The following RBM17 variants were observed in gnomAD, a reference collection of about 807,000 sequenced individuals.
The protein encoded by RBM17 is splicing factor 45.
RBM17 carries 7 observed loss-of-function variants against 53.2 expected under a neutral mutation model. The observed-to-expected ratio is 0.13, with a 90% CI of 0.07 to 0.25. The LOEUF (loss-of-function observed/expected upper bound fraction) is 0.25, where lower values mean the gene tolerates loss of function less well. Among genes scored for constraint, RBM17 ranks in the 10% least tolerant of loss-of-function variants. The pLI is 1.00. For missense variants in RBM17, 257 were observed against 496.7 expected (o/e 0.52, Z 4.59); for synonymous variants, 167 against 178.1 (o/e 0.94, Z 0.50).
intron 2 of RBM17, among the ~76,000 whole-genome samples, chr10:6,100,668 TC>T (rs1183513152): frequency 1.5e-4 from 1 of 6,592 alleles, no homozygotes; most frequent in African/African-American, 1.7e-4. Flanking sequence ...GGATCCTGGT[TC>T]AAAAAAAAAA....
At position 6,112,033 on chromosome 10, in the gene RBM17, G is replaced by A. The variant is rs1447335164; in HGVS notation, c.705-177G>A. On this transcript the variant is annotated intron_variant, in intron 7 of 11. Coordinates refer to ENST00000379888, the MANE Select transcript of RBM17 (RefSeq NM_032905.5). This position sits in a 1 kb window ranked among gnomAD's most constrained non-coding sequence, Gnocchi z 4.4. The stretch of plus-strand genomic sequence containing the variant: ...TCATAGCTTTTTCTATTTCTTTCAT[G>A]CTGCACATCCCCACAGCTTCCATCT... Among the ~76,000 whole-genome samples, 1 of 152,064 alleles carries A rather than the reference G, an allele frequency of 6.6e-6. No individual in the cohort carries two copies. The highest frequency in any genetic ancestry group is 1.5e-5 in the Non-Finnish European group (1 of 68,000).
chr10:6,112,156 A>G lies in RBM17; in HGVS notation c.705-54A>G. The G allele has an allele frequency of 6.3e-7, 1 of 1,582,536 alleles. No homozygotes were observed. Among genetic ancestry groups the G allele is most frequent in the Non-Finnish European group, 8.6e-7 (1 of 1,167,130 alleles). On this transcript the variant is annotated intron_variant, in intron 7 of 11. Transcript: ENST00000379888. This position sits in a 1 kb window ranked among gnomAD's most constrained non-coding sequence, Gnocchi z 4.4. ...TTGTTGTGATGGAAAAATGCAACCT[A>G]TCTCCAGTTGACGATGTCAAGGCTA...
chr10:6,101,462 T>G (rs958102025), intron 3 of RBM17, 75 bp downstream of exon 3: 3 of 783,088 alleles, frequency 3.8e-6, no homozygotes, highest in Non-Finnish European at 6.0e-6. Context: ...TGAGTTACTC[T>G]TAACAGATGG....
At position 6,104,666 on chromosome 10, in the gene RBM17, G is replaced by A. The variant is rs191561909; in HGVS notation, c.241-265G>A. ...GTAACTTATATTTTAGCTGGTGGTG[G>A]CTTATTTAGGAATTCCAGGAAAAAT... is the stretch of plus-strand genomic sequence containing the variant. On this transcript the variant is annotated intron_variant, in intron 3 of 11. Coordinates refer to ENST00000379888, the MANE Select transcript of RBM17 (RefSeq NM_032905.5). 9.7e-4 allele frequency among the ~76,000 whole-genome samples: 147 copies of A among 152,294 alleles called. 3 individuals carry two copies. The highest frequency in any genetic ancestry group is 8.4e-3 in the Admixed American group (128 of 15,288).
chr10:6,108,397 G>T (rs1055052557), intron 5 of RBM17: 4 of 430,136 alleles, frequency 9.3e-6, no homozygotes, highest in Non-Finnish European at 1.6e-5. Flanking sequence ...GGTTCTCTTG[G>T]TTGTATTGTT....
chr10:6,099,594 AAC>A (rs1432313598), intron 2 of RBM17, among the ~76,000 whole-genome samples: 3 of 151,936 alleles, frequency 2.0e-5, no homozygotes, highest in African/African-American at 7.2e-5. Context: ...TGCAATACCT[AAC>A]ACAATGTAAA....
intron 2 of RBM17, among the ~76,000 whole-genome samples, chr10:6,098,556 G>GGTTTTTGTTTGTTTTTTTTTT (rs1840613398): frequency 1.1e-5 from 1 of 87,976 alleles, no homozygotes. Flanking sequence ...TAATACACAG[G>GGTTTTTGTTTGTTTTTTTTTT]TTTTTTGTTT....
Position 6,098,563 on chromosome 10 carries a change from G to GTT in RBM17, c.123+1404_123+1405dup, listed in dbSNP as rs398012715. On this transcript the variant is annotated intron_variant, in intron 2 of 11. Transcript: ENST00000379888. ...AATTTCCGTAATACACAGGTTTTTTGTTTTTTTTTTTTTTTTTTTTTTTTT... is the reference window on the plus strand; with the variant it reads ...AATTTCCGTAATACACAGGTTTTTTGTTTTTTTTTTTTTTTTTTTTTTTTTTT... 3.8e-3 allele frequency among the ~76,000 whole-genome samples: 176 copies of GTT among 46,656 alleles called. 14 individuals carry two copies. The highest frequency in any genetic ancestry group is 5.0e-3 in the Non-Finnish European group (112 of 22,536). The allele number at this position is 46,656 out of a possible 152,430, so 30.6% of individuals were successfully genotyped here.
intron 3 of RBM17, among the ~76,000 whole-genome samples, chr10:6,102,966 A>G (rs1840689858): frequency 6.6e-6 from 1 of 152,022 alleles, no homozygotes; most frequent in South Asian, 2.1e-4. Flanking sequence ...CATTTGACTA[A>G]TTTTTTGTAG....
Position 6,105,157 on chromosome 10 carries a change from C to T in RBM17, c.407+60C>T, listed in dbSNP as rs772552580. The T allele has an allele frequency of 6.3e-5, 94 of 1,502,990 alleles. 1 individual carries two copies. The highest frequency in any genetic ancestry group is 1.1e-4 in the African/African-American group (8 of 71,776). 93.1% of individuals were successfully genotyped at this position (1,502,990 alleles called of 1,614,324 possible). Reference sequence around the variant, plus strand: ...GTTGAAATGTTCATTAAAATGTTAACGAATGAGCGTCGCTGCTGTCTGTAA... The same window carrying T: ...GTTGAAATGTTCATTAAAATGTTAATGAATGAGCGTCGCTGCTGTCTGTAA... On this transcript the variant is annotated intron_variant, in intron 4 of 11. Transcript: ENST00000379888.
At chr10:6,114,174 T>C (rs765926073) in intron 10 of RBM17, 27 bp downstream of exon 10, 2 of 1,354,042 alleles carry the variant, frequency 1.5e-6, no homozygotes, top group Non-Finnish European at 2.1e-6. Context: ...TTGATGTTTA[T>C]AACACAAGTT....
At chr10:6,100,241 T>C (rs894135837) in intron 2 of RBM17, among the ~76,000 whole-genome samples, 1 of 152,206 alleles carries the variant, frequency 6.6e-6, no homozygotes, top group Non-Finnish European at 1.5e-5. Flanking sequence ...TGTAACACTT[T>C]AAATTGCAAA....
chr10:6,112,514 C>T lies in RBM17; in HGVS notation c.856+153C>T, dbSNP rs147992798. On this transcript the variant is annotated intron_variant, in intron 8 of 11. Transcript: ENST00000379888. This position sits in a 1 kb window ranked among gnomAD's most constrained non-coding sequence, Gnocchi z 4.4. ...GCCCTGCCATCACTAGAACACAGGC[C>T]GTCCTGTTCATATGATGCACTGCCA... 7.8e-5 allele frequency: 67 copies of T among 860,206 alleles called. No homozygotes were observed. Among genetic ancestry groups the T allele is most frequent in the African/African-American group, 7.6e-4 (45 of 59,084 alleles). The allele number at this position is 860,206 out of a possible 1,614,324, so 53.3% of individuals were successfully genotyped here.
Position 6,113,551 on chromosome 10 carries a change from T to A in RBM17, c.900T>A (p.Leu300=). 6.2e-7 allele frequency: 1 copy of A among 1,613,222 alleles called. No individual in the cohort carries two copies. The highest frequency in any genetic ancestry group is 8.5e-7 in the Non-Finnish European group (1 of 1,179,276). The change falls in exon 9 of 12, where the codon CTT becomes CTA. Residue 300 remains leucine, a synonymous_variant. Transcript: ENST00000379888. ...ATTCAAATCCGCTGACTGAAATACT[T>A]AAGTGTCCTACTAAAGTGGTCTTAC... is the stretch of plus-strand genomic sequence containing the variant. ...KSDSNPLTEI[L]KCPTKVVLLR...
In RBM17 at chr10:6,101,358, A is replaced by G. The variant is rs926591083; in HGVS notation, c.211A>G (p.Thr71Ala). The change falls in exon 3 of 12, where the codon ACT (threonine) becomes GCT (alanine). Residue 71 changes from threonine (T) to alanine (A), a missense_variant. By Grantham distance (58) the Thr-to-Ala change is moderately conservative. This residue lies in a region of RBM17 where 127 missense variants were observed against 217.2 expected (regional missense o/e 0.58). Coordinates refer to ENST00000379888, the MANE Select transcript of RBM17 (RefSeq NM_032905.5). ...CTCAGATGACCGGCAAATTGTGGACACTCCACCGCATGTAGCAGCTGGGCT... is the reference window on the plus strand; with the variant it reads ...CTCAGATGACCGGCAAATTGTGGACGCTCCACCGCATGTAGCAGCTGGGCT... ...GSSDDRQIVD[T>A]PPHVAAGLKD... 1.2e-6 allele frequency: 2 copies of G among 1,612,842 alleles called. No homozygotes were observed. The highest frequency in any genetic ancestry group is 1.7e-6 in the Non-Finnish European group (2 of 1,179,598).
At chr10:6,113,846 A>G in intron 9 of RBM17, 1 of 585,362 alleles carries the variant, frequency 1.7e-6, no homozygotes, top group East Asian at 2.8e-5. Flanking sequence ...GCTTGCATAG[A>G]TGCTTTTGTA....
At chr10:6,098,555 G>GGTTTTTTGT (rs1564566177) in intron 2 of RBM17, among the ~76,000 whole-genome samples, 910 of 70,040 alleles carry the variant, frequency 0.013, 17 homozygotes, top group African/African-American at 0.043. Context: ...GTAATACACA[G>GGTTTTTTGT]GTTTTTTGTT....
In RBM17 at chr10:6,096,394, C is replaced by A. The variant is rs562000171; in HGVS notation, c.-18-654C>A. On this transcript the variant is annotated intron_variant, in intron 1 of 11. Transcript: ENST00000379888. The stretch of plus-strand genomic sequence containing the variant: ...CCTGCTGACTCGGTTTTTGTTTCCA[C>A]GTGTTCCTCTGTTCTGCACGGAAGC... 5.9e-3 allele frequency among the ~76,000 whole-genome samples: 906 copies of A among 152,284 alleles called. 7 individuals carry two copies. Among genetic ancestry groups the A allele is most frequent in the African/African-American group, 0.02 (838 of 41,542 alleles).
At chr10:6,105,190 GT>G (rs770696304) in intron 4 of RBM17, 93 bp downstream of exon 4, 358 of 1,187,072 alleles carry the variant, frequency 3.0e-4, no homozygotes, top group Non-Finnish European at 4.0e-4. Context: ...TAAGGCTGAA[GT>G]TAATTGTCAT....
Sources: allele counts gnomAD v4.1 joint callset (sites outside exome capture counted in the v4.1 genomes callset), GRCh38; gene constraint gnomAD v4.1.1; regional missense constraint gnomAD v4.1.1; non-coding constraint Gnocchi (gnomAD v3.1); transcripts MANE v1.5; gene names NCBI Gene and HGNC (gene_info 2026-07-23, HGNC 2026-07-21).